The following CFAP20DC variants were observed in gnomAD, a reference collection of about 807,000 sequenced individuals.
CFAP20DC encodes protein CFAP20DC.
A neutral mutation model predicts 101.7 loss-of-function variants in CFAP20DC; 84 were observed. The observed-to-expected ratio is 0.83, with a 90% confidence interval of 0.69 to 0.99. CFAP20DC has a LOEUF of 0.99. Ranked by LOEUF, CFAP20DC falls within the 50% of genes least tolerant of loss-of-function variation. CFAP20DC has a pLI of 0.00. For synonymous variants in CFAP20DC, 359 were observed against 351.2 expected (o/e 1.02, Z -0.25); for missense variants, 1,007 against 970.3 (o/e 1.04, Z -0.50).
chr3:58,765,221 T>G (rs572077676), intron 15 of CFAP20DC, among the ~76,000 whole-genome samples: 30 of 152,092 alleles, frequency 2.0e-4, no homozygotes, highest in Admixed American at 1.8e-3. Flanking sequence ...TTATATACAT[T>G]TATTTTATTA....
At chr3:59,044,859 A>G (rs1325257040) in intron 3 of CFAP20DC, among the ~76,000 whole-genome samples, 1 of 152,098 alleles carries the variant, frequency 6.6e-6, no homozygotes, top group Non-Finnish European at 1.5e-5. Flanking sequence ...CAATATCCTT[A>G]AAAAGATGTC....
At chr3:58,816,548 G>T (rs547882627) in intron 14 of CFAP20DC, among the ~76,000 whole-genome samples, 2 of 152,146 alleles carry the variant, frequency 1.3e-5, no homozygotes, top group Admixed American at 6.5e-5. Context: ...CTGGAAAATC[G>T]GGTGACTCCC....
chr3:58,815,775 G>A (rs2075075186), intron 14 of CFAP20DC, among the ~76,000 whole-genome samples: 1 of 149,570 alleles, frequency 6.7e-6, no homozygotes. Context: ...ATCATCACTG[G>A]CCATCAGAGA....
intron 5 of CFAP20DC, among the ~76,000 whole-genome samples, chr3:58,927,152 T>C (rs2086077469): frequency 6.6e-6 from 1 of 152,202 alleles, no homozygotes; most frequent in African/African-American, 2.4e-5. Context: ...TTAAAGTGAC[T>C]CTTCACAGCT....
intron 6 of CFAP20DC, among the ~76,000 whole-genome samples, chr3:58,905,832 A>C (rs561111111): frequency 1.3e-5 from 2 of 152,302 alleles, no homozygotes; most frequent in East Asian, 3.9e-4. Context: ...TCTGTTACTT[A>C]TTGCAATATA....
At chr3:58,893,790 G>A (rs2082445638) in intron 6 of CFAP20DC, among the ~76,000 whole-genome samples, 1 of 151,714 alleles carries the variant, frequency 6.6e-6, no homozygotes, top group Non-Finnish European at 1.5e-5. Flanking sequence ...TGGCTGGTAG[G>A]CTGTTTATTG....
intron 16 of CFAP20DC, among the ~76,000 whole-genome samples, chr3:58,751,867 A>ACACACACACACACACACACACACACACAC (rs1553645550): frequency 3.5e-4 from 48 of 136,220 alleles, no homozygotes; most frequent in African/African-American, 1.1e-3. Flanking sequence ...ACACACACAC[A>ACACACACACACACACACACACACACACAC]AAATTTCCTC....
intron 15 of CFAP20DC, among the ~76,000 whole-genome samples, chr3:58,789,067 A>G (rs2072628797): frequency 1.3e-5 from 2 of 152,184 alleles, no homozygotes; most frequent in Non-Finnish European, 2.9e-5. Context: ...AAAACTCACC[A>G]CACAGTAATA....
At chr3:59,019,367 C>T (rs553755546) in intron 4 of CFAP20DC, among the ~76,000 whole-genome samples, 5 of 151,978 alleles carry the variant, frequency 3.3e-5, no homozygotes, top group South Asian at 2.1e-4. Flanking sequence ...AGGTGACGCA[C>T]GAGTTCTGGC....
At chr3:58,765,490 C>CAAAAAAAAAAAAAAAAACAAACA (rs2070213191) in intron 15 of CFAP20DC, among the ~76,000 whole-genome samples, 1 of 81,828 alleles carries the variant, frequency 1.2e-5, no homozygotes, top group Non-Finnish European at 2.5e-5. Context: ...AAAAAAAAAC[C>CAAAAAAAAAAAAAAAAACAAACA]AAAAAAAAAA....
intron 13 of CFAP20DC, 130 bp downstream of exon 13, chr3:58,848,902 A>G: frequency 8.6e-7 from 1 of 1,158,992 alleles, no homozygotes; most frequent in Non-Finnish European, 1.2e-6. Flanking sequence ...ACACATCAGA[A>G]CAGGAAAGAA....
intron 6 of CFAP20DC, among the ~76,000 whole-genome samples, chr3:58,910,249 A>G (rs945152423): frequency 6.6e-6 from 1 of 152,072 alleles, no homozygotes; most frequent in Admixed American, 6.6e-5. Context: ...TGAATCCTAT[A>G]TACTTCTTTT....
At chr3:58,807,270 G>T (rs575023780) in intron 14 of CFAP20DC, among the ~76,000 whole-genome samples, 3 of 152,148 alleles carry the variant, frequency 2.0e-5, no homozygotes, top group African/African-American at 4.8e-5. Context: ...TCCTCAAGTG[G>T]GTCCCTGACC....
At chr3:58,741,730 T>C (rs1394899034), downstream of CFAP20DC, among the ~76,000 whole-genome samples, 2 of 152,044 alleles carry the variant, frequency 1.3e-5, no homozygotes, top group Non-Finnish European at 2.9e-5. Context: ...TCTCCTGACC[T>C]CGTGATTCAC....
intron 4 of CFAP20DC, among the ~76,000 whole-genome samples, chr3:58,961,555 A>T (rs993332499): frequency 2.0e-5 from 3 of 152,122 alleles, no homozygotes; most frequent in Non-Finnish European, 4.4e-5. Flanking sequence ...ACTGTCTCAA[A>T]AAAACAAAAA....
At chr3:59,026,580 T>C (rs116752958) in intron 4 of CFAP20DC, among the ~76,000 whole-genome samples, 100 of 152,230 alleles carry the variant, frequency 6.6e-4, no homozygotes, top group African/African-American at 2.4e-3. Context: ...CCTAAAGATA[T>C]CAAATTTAGG....
chr3:59,023,435 T>C (rs139931261), intron 4 of CFAP20DC, among the ~76,000 whole-genome samples: 1 of 152,198 alleles, frequency 6.6e-6, no homozygotes, highest in East Asian at 1.9e-4. Flanking sequence ...GCATTTGAGT[T>C]TGACCTTAAA....
At position 58,763,237 on chromosome 3, in the gene CFAP20DC, CT is replaced by C. The variant is rs1232464743; in HGVS notation, c.2238-9375del. Among the ~76,000 whole-genome samples, 3 of 152,286 alleles carry C rather than the reference CT, an allele frequency of 2.0e-5. No homozygotes were observed. The East Asian group carries it at 5.8e-4, about 29-fold the overall frequency. On this transcript the variant is annotated intron_variant, in intron 15 of 16. Coordinates refer to ENST00000482387, the MANE Select transcript of CFAP20DC (RefSeq NM_001394063.1). ...TATTTCTTGGAGGCTTTCTTCATTT[CT>C]TTTTATTCTTTTTTCTCTAAACTTT...
chr3:58,940,492 T>C lies in CFAP20DC; in HGVS notation c.279-2730A>G, dbSNP rs141619956. 4.7e-3 allele frequency among the ~76,000 whole-genome samples: 712 copies of C among 152,332 alleles called. 3 individuals carry two copies. The highest frequency in any genetic ancestry group is 0.016 in the African/African-American group (683 of 41,574). ...GGGTTGGAGTTCTTTTCTTTCTGTA[T>C]GTTTATACAATTGTCCCAACACCAT... On this transcript the variant is annotated intron_variant, in intron 4 of 16. Coordinates refer to ENST00000482387, the MANE Select transcript of CFAP20DC (RefSeq NM_001394063.1).
Sources: gnomAD v4.1 joint callset for allele counts (sites outside exome capture counted in the v4.1 genomes callset) on GRCh38, gnomAD v4.1.1 for gene constraint, MANE v1.5 for transcripts, NCBI Gene and HGNC (gene_info 2026-07-23, HGNC 2026-07-21) for gene names.